LDLRAD4: variants seen among roughly 807,000 people sequenced by gnomAD.
The protein encoded by LDLRAD4 is low density lipoprotein receptor class A domain containing 4, also known as low-density lipoprotein receptor class A domain-containing protein 4.
Under a neutral mutation model 17.0 loss-of-function variants are expected in LDLRAD4, and 5 were observed. That is an observed-to-expected ratio of 0.29 (90% CI 0.15 to 0.62). The LOEUF (loss-of-function observed/expected upper bound fraction) is 0.62. LDLRAD4 is among the 20% of genes least tolerant of loss of function. The pLI is 0.84. For synonymous variants in LDLRAD4, 168 were observed against 171.8 expected, an observed-to-expected ratio of 0.98 and a Z score of 0.17; for missense variants, 340 against 424.7, an observed-to-expected ratio of 0.80 and a Z score of 1.75.
chr18:13,383,756 C>T (rs144072591), intron 1 of LDLRAD4, among the ~76,000 whole-genome samples: 49 of 152,192 alleles, frequency 3.2e-4, no homozygotes, highest in Middle Eastern at 3.4e-3. Flanking sequence ...CCTGCGCTGC[C>T]TGTTGGTCAC....
intron 3 of LDLRAD4, among the ~76,000 whole-genome samples, chr18:13,609,708 C>T (rs900424310): frequency 6.6e-6 from 1 of 152,216 alleles, no homozygotes; most frequent in African/African-American, 2.4e-5. Flanking sequence ...CGTGGTGGCT[C>T]ACACCTGTAA....
intron 1 of LDLRAD4, among the ~76,000 whole-genome samples, chr18:13,348,729 G>A (rs1253538105): frequency 6.6e-6 from 1 of 152,168 alleles, no homozygotes; most frequent in Non-Finnish European, 1.5e-5. Context: ...CCCAGTTTGA[G>A]CTTCCCAGCC....
At chr18:13,619,839 C>T (rs2040448761) in intron 3 of LDLRAD4, among the ~76,000 whole-genome samples, 1 of 152,124 alleles carries the variant, frequency 6.6e-6, no homozygotes. Flanking sequence ...GCAGGGGGCC[C>T]TTGGCAGGTC....
intron 3 of LDLRAD4, among the ~76,000 whole-genome samples, chr18:13,493,697 G>A (rs1310121434): frequency 2.6e-5 from 4 of 152,230 alleles, no homozygotes; most frequent in African/African-American, 9.6e-5. Context: ...ACCAAGAGGG[G>A]TGGAGATGAA....
At chr18:13,611,346 T>C (rs1056749137) in intron 3 of LDLRAD4, 2 of 369,990 alleles carry the variant, frequency 5.4e-6, no homozygotes, top group African/African-American at 4.4e-5. Context: ...CTCCCGGCAG[T>C]GCTTGTGGTG....
intron 3 of LDLRAD4, among the ~76,000 whole-genome samples, chr18:13,599,193 GT>G (rs768638578): frequency 6.6e-6 from 1 of 152,068 alleles, no homozygotes; most frequent in Admixed American, 6.6e-5. Flanking sequence ...GGAAACTCTT[GT>G]TTTTTTGCCA....
At chr18:13,590,010 T>G (rs952765440) in intron 3 of LDLRAD4, among the ~76,000 whole-genome samples, 1 of 148,718 alleles carries the variant, frequency 6.7e-6, no homozygotes, top group African/African-American at 2.5e-5. Context: ...TGCACGTGTG[T>G]GGCTGTGCAT....
intron 3 of LDLRAD4, among the ~76,000 whole-genome samples, chr18:13,463,016 G>C (rs982179193): frequency 6.6e-6 from 1 of 152,222 alleles, no homozygotes; most frequent in Non-Finnish European, 1.5e-5. Flanking sequence ...GCCAGGGATG[G>C]CTTACAGGGC....
At chr18:13,418,085 C>T (rs2089092894) in intron 2 of LDLRAD4, among the ~76,000 whole-genome samples, 1 of 152,170 alleles carries the variant, frequency 6.6e-6, no homozygotes, top group Non-Finnish European at 1.5e-5. Flanking sequence ...AGCACTGCAC[C>T]CGCACTGAGC....
At chr18:13,638,082 AC>A (rs1445629521) in intron 4 of LDLRAD4, among the ~76,000 whole-genome samples, 2 of 151,972 alleles carry the variant, frequency 1.3e-5, no homozygotes, top group Non-Finnish European at 2.9e-5. Flanking sequence ...GCTGGGAGAA[AC>A]TAAATGAGCT....
chr18:13,286,973 C>T (rs571116954), intron 1 of LDLRAD4, among the ~76,000 whole-genome samples: 1 of 152,306 alleles, frequency 6.6e-6, no homozygotes, highest in South Asian at 2.1e-4. Flanking sequence ...TGAGCGGAGA[C>T]AGCAGCCTAG....
intron 4 of LDLRAD4, among the ~76,000 whole-genome samples, chr18:13,626,037 A>G (rs2041140827): frequency 1.3e-5 from 2 of 151,814 alleles, no homozygotes; most frequent in Admixed American, 1.3e-4. Context: ...AATGGATGTT[A>G]CTGGGCCTGA....
At chr18:13,598,104 T>C (rs957695646) in intron 3 of LDLRAD4, among the ~76,000 whole-genome samples, 4 of 152,248 alleles carry the variant, frequency 2.6e-5, no homozygotes, top group African/African-American at 9.6e-5. Flanking sequence ...TTTTTGTTAC[T>C]GAAAACTGGA....
rs143181556 is a variant in LDLRAD4 at position 13,284,885 on chromosome 18, G to A, written c.-383+6697G>A. ...GGTGCCAGTGTTAACAGACTGCATC[G>A]CAGCAGTCCCCATAAGTCACATCAG... On this transcript the variant is annotated intron_variant, in intron 1 of 5. Transcript: ENST00000359446. 1.0e-3 allele frequency among the ~76,000 whole-genome samples: 159 copies of A among 152,336 alleles called. 3 individuals carry two copies. The East Asian group carries it at 0.027, about 26-fold the overall frequency.
chr18:13,568,999 G>T (rs2094646258), intron 3 of LDLRAD4, among the ~76,000 whole-genome samples: 1 of 152,062 alleles, frequency 6.6e-6, no homozygotes, highest in African/African-American at 2.4e-5. Flanking sequence ...GATGTTTGTA[G>T]GCACCCCATG....
chr18:13,262,721 C>T (rs2043951227), intron 1 of LDLRAD4, among the ~76,000 whole-genome samples: 1 of 103,862 alleles, frequency 9.6e-6, no homozygotes, highest in African/African-American at 4.9e-5. Context: ...AACTGAGTCC[C>T]GTGCGGCTCC....
At chr18:13,470,036 C>T (rs2092725130) in intron 3 of LDLRAD4, among the ~76,000 whole-genome samples, 1 of 152,184 alleles carries the variant, frequency 6.6e-6, no homozygotes, top group Admixed American at 6.5e-5. Context: ...GTGCAATTAA[C>T]AACATTGAGT....
intron 3 of LDLRAD4, among the ~76,000 whole-genome samples, chr18:13,484,652 A>G (rs12956044): frequency 0.87 from 132,425 of 152,132 alleles, 57,784 homozygotes; most frequent in South Asian, 0.96. Flanking sequence ...ATCACTTTCT[A>G]TCTCACTATC....
At chr18:13,519,429 G>T (rs28368229) in intron 3 of LDLRAD4, among the ~76,000 whole-genome samples, 4,682 of 152,220 alleles carry the variant, frequency 0.031, 222 homozygotes, top group African/African-American at 0.11. Flanking sequence ...TCAAGGGGAT[G>T]CTTACCTTTT....
Sources: gnomAD v4.1 joint callset for allele counts (sites outside exome capture counted in the v4.1 genomes callset) on GRCh38, gnomAD v4.1.1 for gene constraint, MANE v1.5 for transcripts, NCBI Gene and HGNC (gene_info 2026-07-23, HGNC 2026-07-21) for gene names.